Variants in LRRTM4 observed in about 807,000 individuals in gnomAD.
LRRTM4 encodes the protein leucine rich repeat transmembrane neuronal 4.
A neutral mutation model predicts 47.6 loss-of-function variants in LRRTM4; 25 were observed. The observed-to-expected ratio is 0.53, with a 90% confidence interval of 0.38 to 0.73. The LOEUF (loss-of-function observed/expected upper bound fraction) is 0.73. Among genes scored for constraint, LRRTM4 ranks in the 30% least tolerant of loss-of-function variants. The pLI is 0.00. For missense variants in LRRTM4, 638 were observed against 713.4 expected, an observed-to-expected ratio of 0.89 and a Z score of 1.20; for synonymous variants, 311 against 269.5, an observed-to-expected ratio of 1.15 and a Z score of -1.51.
chr2:77,128,403 TAG>T (rs1397321982), intron 3 of LRRTM4, among the ~76,000 whole-genome samples: 75 of 151,798 alleles, frequency 4.9e-4, no homozygotes, highest in Non-Finnish European at 9.0e-4. Flanking sequence ...AACAGATAGA[TAG>T]ATAGATAGAT....
chr2:77,073,894 TC>T (rs1360467751), intron 3 of LRRTM4, among the ~76,000 whole-genome samples: 2 of 152,098 alleles, frequency 1.3e-5, no homozygotes, highest in Non-Finnish European at 2.9e-5. Flanking sequence ...TTTATGCTAG[TC>T]ATTCTTTTCT....
At chr2:76,974,076 G>A (rs1406429976) in intron 3 of LRRTM4, among the ~76,000 whole-genome samples, 3 of 150,068 alleles carry the variant, frequency 2.0e-5, no homozygotes, top group Admixed American at 1.3e-4. Flanking sequence ...TTTACCATCC[G>A]TTTAAAAAAA....
intron 3 of LRRTM4, among the ~76,000 whole-genome samples, chr2:77,298,139 T>C (rs910597773): frequency 2.0e-5 from 3 of 152,156 alleles, no homozygotes; most frequent in Non-Finnish European, 4.4e-5. Flanking sequence ...TATCCCCCAA[T>C]TTTATGTCTG....
intron 3 of LRRTM4, among the ~76,000 whole-genome samples, chr2:76,987,711 A>T (rs1309408652): frequency 6.6e-6 from 1 of 151,856 alleles, no homozygotes; most frequent in Non-Finnish European, 1.5e-5. Context: ...TGCTCCACAC[A>T]GTTTCTCGAA....
chr2:77,377,798 AT>A (rs1220578923), intron 3 of LRRTM4, among the ~76,000 whole-genome samples: 20 of 152,132 alleles, frequency 1.3e-4, no homozygotes, highest in African/African-American at 4.8e-4. Context: ...ATACTAAGAC[AT>A]TCCTTCATGT....
chr2:76,802,741 C>CA (rs1482329404), intron 3 of LRRTM4, among the ~76,000 whole-genome samples: 14 of 152,028 alleles, frequency 9.2e-5, no homozygotes, highest in African/African-American at 3.4e-4. Flanking sequence ...ATCAAAACAG[C>CA]ACAATACTGG....
chr2:76,992,471 T>A (rs902520195), intron 3 of LRRTM4, among the ~76,000 whole-genome samples: 2 of 151,682 alleles, frequency 1.3e-5, no homozygotes, highest in Non-Finnish European at 3.0e-5. Flanking sequence ...ATCAGTGTTG[T>A]ATCTATATAC....
At chr2:77,036,544 A>G (rs575776515) in intron 3 of LRRTM4, among the ~76,000 whole-genome samples, 60 of 148,696 alleles carry the variant, frequency 4.0e-4, no homozygotes, top group African/African-American at 1.4e-3. Flanking sequence ...AATCCTTATC[A>G]TCATTTACTT....
At chr2:77,140,833 A>G (rs1201179053) in intron 3 of LRRTM4, among the ~76,000 whole-genome samples, 2 of 152,256 alleles carry the variant, frequency 1.3e-5, no homozygotes, top group Non-Finnish European at 2.9e-5. Context: ...ATACTTCTCA[A>G]AAGAAGACAT....
chr2:77,177,363 T>C (rs1673228069), intron 3 of LRRTM4, among the ~76,000 whole-genome samples: 1 of 152,160 alleles, frequency 6.6e-6, no homozygotes, highest in Admixed American at 6.5e-5. Context: ...TTCATGTCTC[T>C]TAGAATGTGT....
intron 3 of LRRTM4, among the ~76,000 whole-genome samples, chr2:76,895,990 T>G (rs914301904): frequency 2.0e-5 from 3 of 152,216 alleles, no homozygotes; most frequent in African/African-American, 7.2e-5. Context: ...AGCAGGTTTG[T>G]GTGCTACTGT....
intron 3 of LRRTM4, among the ~76,000 whole-genome samples, chr2:77,004,482 T>A (rs2104036315): frequency 6.6e-6 from 1 of 152,282 alleles, no homozygotes; most frequent in Admixed American, 6.5e-5. Context: ...TGTGAACCTT[T>A]GCCTAGATTT....
chr2:76,887,193 T>C (rs948036815), intron 3 of LRRTM4, among the ~76,000 whole-genome samples: 2 of 151,772 alleles, frequency 1.3e-5, no homozygotes, highest in African/African-American at 2.4e-5. Context: ...CAAAAATATT[T>C]TGAATGACCT....
chr2:76,815,789 T>C (rs908017895), intron 3 of LRRTM4, among the ~76,000 whole-genome samples: 7 of 152,038 alleles, frequency 4.6e-5, no homozygotes, highest in African/African-American at 1.7e-4. Flanking sequence ...TAGAATGACA[T>C]GGAATAATGT....
intron 3 of LRRTM4, among the ~76,000 whole-genome samples, chr2:77,460,714 A>G (rs1676756219): frequency 6.6e-6 from 1 of 152,144 alleles, no homozygotes; most frequent in East Asian, 1.9e-4. Flanking sequence ...TTGAATTGAT[A>G]GTCAGATAAT....
intron 3 of LRRTM4, among the ~76,000 whole-genome samples, chr2:76,932,531 C>T (rs1573331481): frequency 6.6e-6 from 1 of 151,986 alleles, no homozygotes; most frequent in African/African-American, 2.4e-5. Flanking sequence ...AGACGGTACG[C>T]CCTTAGTCTG....
At chr2:77,001,881 G>A (rs1256695289) in intron 3 of LRRTM4, among the ~76,000 whole-genome samples, 2 of 152,050 alleles carry the variant, frequency 1.3e-5, no homozygotes, top group Non-Finnish European at 2.9e-5. Context: ...AAATATCTAT[G>A]ACAAACATCA....
intron 3 of LRRTM4, among the ~76,000 whole-genome samples, chr2:76,806,608 AAC>A (rs1220189561): frequency 6.6e-6 from 1 of 152,122 alleles, no homozygotes. Flanking sequence ...AAAGAAAAAA[AAC>A]ATATTTATAA....
intron 3 of LRRTM4, among the ~76,000 whole-genome samples, chr2:77,490,257 A>AC (rs1171238876): frequency 6.6e-6 from 1 of 151,978 alleles, no homozygotes; most frequent in Non-Finnish European, 1.5e-5. Context: ...CTCAAAAAAA[A>AC]CAAAACAAAA....
Sources: allele counts gnomAD v4.1 joint callset (sites outside exome capture counted in the v4.1 genomes callset), GRCh38; gene constraint gnomAD v4.1.1; transcripts MANE v1.5; gene names NCBI Gene and HGNC (gene_info 2026-07-23, HGNC 2026-07-21).